Variants in PLPPR5 observed in about 807,000 individuals in gnomAD.
PLPPR5 encodes phospholipid phosphatase related 5, also known as phospholipid phosphatase-related protein type 5.
Under a neutral mutation model 33.9 loss-of-function variants are expected in PLPPR5, and 16 were observed. The observed-to-expected ratio is 0.47, with a 90% CI of 0.32 to 0.72. The LOEUF (loss-of-function observed/expected upper bound fraction) is 0.72, where lower values mean the gene tolerates loss of function less well. PLPPR5 is among the 30% of genes least tolerant of loss of function. The probability of loss-of-function intolerance (pLI) is 0.03; values close to 1 mark genes in which losing one functional copy is unlikely to be tolerated. For missense variants in PLPPR5, 301 were observed against 406.7 expected, an observed-to-expected ratio of 0.74 and a Z score of 2.23; for synonymous variants, 163 against 150.3, an observed-to-expected ratio of 1.08 and a Z score of -0.62.
intron 1 of PLPPR5, among the ~76,000 whole-genome samples, chr1:98,999,166 C>T (rs1652736601): frequency 2.0e-5 from 3 of 152,174 alleles, no homozygotes; most frequent in Admixed American, 2.0e-4. Flanking sequence ...CACTAACAAA[C>T]AAAAGTAGTT....
intron 3 of PLPPR5, among the ~76,000 whole-genome samples, chr1:98,940,247 T>A (rs1282093391): frequency 6.6e-6 from 1 of 151,828 alleles, no homozygotes; most frequent in African/African-American, 2.4e-5. Flanking sequence ...GTGGGCTCTA[T>A]GTGGCTTGCA....
chr1:98,928,692 G>T (rs1415934990), intron 3 of PLPPR5, among the ~76,000 whole-genome samples: 1 of 150,722 alleles, frequency 6.6e-6, no homozygotes, highest in Non-Finnish European at 1.5e-5. Flanking sequence ...AGCAGTTACT[G>T]CTACTTTATT....
intron 5 of PLPPR5, among the ~76,000 whole-genome samples, chr1:98,907,005 T>C (rs1009226840): frequency 6.6e-6 from 1 of 152,158 alleles, no homozygotes; most frequent in Non-Finnish European, 1.5e-5. Flanking sequence ...ACCGTCAACA[T>C]TTTCCAGTGT....
intron 3 of PLPPR5, among the ~76,000 whole-genome samples, chr1:98,949,130 G>A (rs1296720142): frequency 6.6e-6 from 1 of 151,934 alleles, no homozygotes; most frequent in Non-Finnish European, 1.5e-5. Flanking sequence ...TATATGAAAA[G>A]AAATACCACA....
intron 3 of PLPPR5, among the ~76,000 whole-genome samples, chr1:98,944,125 A>G (rs1392802455): frequency 6.6e-6 from 1 of 152,218 alleles, no homozygotes; most frequent in Non-Finnish European, 1.5e-5. Flanking sequence ...CATGCATTCC[A>G]GATTTGGGGA....
chr1:98,917,963 T>C (rs1442096919), intron 4 of PLPPR5, among the ~76,000 whole-genome samples: 1 of 152,232 alleles, frequency 6.6e-6, no homozygotes, highest in East Asian at 1.9e-4. Flanking sequence ...AATTTAATGT[T>C]ACTTTGCTTT....
At chr1:98,920,557 C>T (rs1384777900) in intron 4 of PLPPR5, among the ~76,000 whole-genome samples, 1 of 119,438 alleles carries the variant, frequency 8.4e-6, no homozygotes, top group African/African-American at 3.1e-5. Flanking sequence ...GTCTAAGTCT[C>T]CCAGGGACCT....
chr1:98,927,557 G>T lies in PLPPR5; in HGVS notation c.622-5499C>A, dbSNP rs550438530. On this transcript the variant is annotated intron_variant, in intron 3 of 5. Transcript: ENST00000263177. ...CTGCCCTCCCAAGCTCTGCTGCAAG[G>T]TCCCTGGGCTCCCACTGTCTTCTCT... 2.0e-5 allele frequency among the ~76,000 whole-genome samples: 3 copies of T among 152,326 alleles called. No homozygotes were observed. The East Asian group carries it at 5.8e-4, about 29-fold the overall frequency.
chr1:98,933,466 G>A (rs1650057946), intron 3 of PLPPR5, among the ~76,000 whole-genome samples: 1 of 138,416 alleles, frequency 7.2e-6, no homozygotes, highest in African/African-American at 2.8e-5. Context: ...CTGGGCGACA[G>A]AGTGAGACTC....
At chr1:98,951,016 C>A (rs1201531783) in intron 3 of PLPPR5, among the ~76,000 whole-genome samples, 1 of 152,030 alleles carries the variant, frequency 6.6e-6, no homozygotes, top group Non-Finnish European at 1.5e-5. Flanking sequence ...AATCTAATGT[C>A]TATTAGTATT....
At chr1:98,958,138 T>A (rs1333341065) in intron 1 of PLPPR5, among the ~76,000 whole-genome samples, 3 of 152,230 alleles carry the variant, frequency 2.0e-5, no homozygotes, top group Non-Finnish European at 2.9e-5. Flanking sequence ...TTTGTCATTG[T>A]GAAGTTTGCT....
intron 5 of PLPPR5, among the ~76,000 whole-genome samples, chr1:98,903,560 G>A (rs574886646): frequency 2.2e-4 from 34 of 152,008 alleles, no homozygotes; most frequent in African/African-American, 6.3e-4. Context: ...GCATTTGTGC[G>A]ATGTATGAAA....
intron 1 of PLPPR5, among the ~76,000 whole-genome samples, chr1:98,977,234 CG>C (rs1158444470): frequency 6.6e-6 from 1 of 151,912 alleles, no homozygotes; most frequent in African/African-American, 2.4e-5. Flanking sequence ...CTAGTGTATT[CG>C]ATGGGCATTT....
intron 1 of PLPPR5, among the ~76,000 whole-genome samples, chr1:98,964,154 A>ACC (rs1276135387): frequency 6.6e-6 from 1 of 152,218 alleles, no homozygotes. Context: ...TTTCCAGGTC[A>ACC]CAGAAGCCAG....
At chr1:98,893,845 G>C (rs923202266) in intron 5 of PLPPR5, among the ~76,000 whole-genome samples, 4 of 151,374 alleles carry the variant, frequency 2.6e-5, no homozygotes, top group African/African-American at 9.7e-5. Context: ...ATTACAAAAG[G>C]GTTCTACCAT....
intron 5 of PLPPR5, among the ~76,000 whole-genome samples, chr1:98,893,482 T>C (rs1313988515): frequency 6.6e-6 from 1 of 151,970 alleles, no homozygotes; most frequent in African/African-American, 2.4e-5. Context: ...TAGAATGAGA[T>C]AGTGAAATGC....
intron 1 of PLPPR5, chr1:98,991,226 T>C (rs751903430): frequency 6.6e-6 from 1 of 151,966 alleles, no homozygotes; most frequent in Non-Finnish European, 1.5e-5. Flanking sequence ...CTCAGCAACA[T>C]TTACTGTGTT....
At chr1:98,943,967 A>G (rs1570720093) in intron 3 of PLPPR5, among the ~76,000 whole-genome samples, 1 of 152,254 alleles carries the variant, frequency 6.6e-6, no homozygotes, top group Admixed American at 6.5e-5. Context: ...TGCTATATTA[A>G]CCCTCCCACT....
intron 1 of PLPPR5, among the ~76,000 whole-genome samples, chr1:99,004,056 C>T (rs1652968768): frequency 6.6e-6 from 1 of 152,166 alleles, no homozygotes. Flanking sequence ...CTTCCAGGCA[C>T]AATCGAAGAG....
Sources: allele counts gnomAD v4.1 joint callset (sites outside exome capture counted in the v4.1 genomes callset), GRCh38; gene constraint gnomAD v4.1.1; transcripts MANE v1.5; gene names NCBI Gene and HGNC (gene_info 2026-07-23, HGNC 2026-07-21).